The following XKR4 variants were observed in gnomAD, a reference collection of about 807,000 sequenced individuals.
XKR4 encodes XK related 4.
In XKR4, 12 loss-of-function variants were observed where a neutral mutation model predicts 53.9. The observed-to-expected ratio is 0.22, with a 90% CI of 0.14 to 0.36. The LOEUF is 0.36. Among genes scored for constraint, XKR4 ranks in the 10% least tolerant of loss-of-function variants. The pLI, the probability that XKR4 is intolerant of heterozygous loss-of-function variation, is 1.00. For missense variants in XKR4, 799 were observed against 859.5 expected (o/e 0.93, Z 0.88); for synonymous variants, 354 against 362.4 (o/e 0.98, Z 0.26).
rs140822944 is a variant in XKR4, at chr8:55,525,133, G to A, written c.*906G>A. 1,010 of 152,744 alleles carry A rather than the reference G, an allele frequency of 6.6e-3. 9 individuals carry two copies. The highest frequency in any genetic ancestry group is 4.3e-3 in the Non-Finnish European group (295 of 68,052). The allele number at this position is 152,744 out of a possible 1,614,324, so 9.5% of individuals were successfully genotyped here. On this transcript the variant is annotated 3_prime_UTR_variant, in exon 3 of 3. Coordinates refer to ENST00000327381, the MANE Select transcript of XKR4 (RefSeq NM_052898.2). Reference sequence around the variant, plus strand: ...GCCCATTGGGACATAACGGCAGTGCGGCGCGAGCCAGAGGAATGGGCTGGA... The same window carrying A: ...GCCCATTGGGACATAACGGCAGTGCAGCGCGAGCCAGAGGAATGGGCTGGA...
At chr8:55,452,636 C>A (rs150598763) in intron 2 of XKR4, 1 of 1,402,156 alleles carries the variant, frequency 7.1e-7, no homozygotes, top group East Asian at 2.3e-5. Context: ...CCATGACATG[C>A]AGCCCCTTGA....
At position 55,536,537 on chromosome 8, in the gene XKR4, C is replaced by T. The variant is rs1373190642; in HGVS notation, c.*12310C>T. ...CAAACATACGGATATTTGGAAAAGT[C>T]GAGATGTTTGAATCATACAGTTTTC... On this transcript the variant is annotated 3_prime_UTR_variant, in exon 3 of 3. Transcript: ENST00000327381. 2.0e-5 allele frequency: 3 copies of T among 152,094 alleles called. No homozygotes were observed. Among genetic ancestry groups the T allele is most frequent in the Non-Finnish European group, 4.4e-5 (3 of 68,042 alleles). The allele number at this position is 152,094 out of a possible 1,614,324, so 9.4% of individuals were successfully genotyped here.
intron 2 of XKR4, among the ~76,000 whole-genome samples, chr8:55,378,304 G>A (rs925999060): frequency 7.2e-5 from 11 of 152,200 alleles, no homozygotes; most frequent in Admixed American, 7.2e-4. Context: ...TGTCATCTCA[G>A]AGCCAAAGAG....
At chr8:55,455,449 G>A (rs965103656) in intron 2 of XKR4, among the ~76,000 whole-genome samples, 1 of 152,166 alleles carries the variant, frequency 6.6e-6, no homozygotes, top group Non-Finnish European at 1.5e-5. Context: ...CCAACCTGAA[G>A]TTCAACACGG....
intron 1 of XKR4, among the ~76,000 whole-genome samples, chr8:55,333,434 G>A (rs767104124): frequency 2.6e-5 from 4 of 152,034 alleles, no homozygotes; most frequent in Non-Finnish European, 5.9e-5. Context: ...ACTTTTCTGG[G>A]CATGCCTCTA....
chr8:55,176,800 A>C (rs1419389322), intron 1 of XKR4, among the ~76,000 whole-genome samples: 1 of 152,144 alleles, frequency 6.6e-6, no homozygotes, highest in African/African-American at 2.4e-5. Context: ...TGATTGCATG[A>C]GAATCATGTG....
rs577663833 is a variant in XKR4, at chr8:55,476,918, C to T, written c.1007-46363C>T. ...GGAAGCTCGAACTGGGTGGAGCCCA[C>T]CACAGCTCAAGGAGGCCTGCCTGCC... is the stretch of plus-strand genomic sequence containing the variant. On this transcript the variant is annotated intron_variant, in intron 2 of 2. Coordinates refer to ENST00000327381, the MANE Select transcript of XKR4 (RefSeq NM_052898.2). Among the ~76,000 whole-genome samples the T allele has an allele frequency of 4.6e-5, 7 of 152,268 alleles. No homozygotes were observed. In the South Asian group the frequency reaches 1.5e-3, roughly 32 times the overall value.
At chr8:55,187,834 G>A (rs562824755) in intron 1 of XKR4, among the ~76,000 whole-genome samples, 25 of 152,146 alleles carry the variant, frequency 1.6e-4, no homozygotes, top group Non-Finnish European at 3.1e-4. Context: ...TTGCAAGCAG[G>A]TCTCATGAAA....
chr8:55,373,917 G>A lies in XKR4; in HGVS notation c.1006+16040G>A, dbSNP rs551876171. Among the ~76,000 whole-genome samples, 9 of 152,286 alleles carry A rather than the reference G, an allele frequency of 5.9e-5. No individual in the cohort carries two copies. The South Asian group carries it at 1.9e-3, about 32-fold the overall frequency. On this transcript the variant is annotated intron_variant, in intron 2 of 2. Coordinates refer to ENST00000327381, the MANE Select transcript of XKR4 (RefSeq NM_052898.2). ...GAGTGAGTATTGAACCTTTCAGAAT[G>A]AGTGCAGTGATTTCAAGTGTACAAA... is the stretch of plus-strand genomic sequence containing the variant.
chr8:55,269,435 T>A (rs894587329), intron 1 of XKR4, among the ~76,000 whole-genome samples: 3 of 152,158 alleles, frequency 2.0e-5, no homozygotes, highest in Non-Finnish European at 2.9e-5. Context: ...TAATCTGAAA[T>A]TGTTAATATG....
At chr8:55,446,658 A>G (rs190275088) in intron 2 of XKR4, among the ~76,000 whole-genome samples, 9 of 152,202 alleles carry the variant, frequency 5.9e-5, no homozygotes, top group Middle Eastern at 3.4e-3. Flanking sequence ...TAACTGACCA[A>G]TTTCAAGAGG....
intron 2 of XKR4, among the ~76,000 whole-genome samples, chr8:55,411,443 C>T (rs926708614): frequency 6.6e-6 from 1 of 152,218 alleles, no homozygotes; most frequent in East Asian, 1.9e-4. Flanking sequence ...AGTCAACAAG[C>T]ACTCAGTGAG....
intron 1 of XKR4, among the ~76,000 whole-genome samples, chr8:55,316,352 C>A (rs564398822): frequency 6.6e-6 from 1 of 152,178 alleles, no homozygotes; most frequent in Admixed American, 6.5e-5. Context: ...CCATCCCACT[C>A]TCCTCATTCA....
In XKR4 at chr8:55,524,902, A is replaced by C. The variant is rs1200905606; in HGVS notation, c.*675A>C. 2 of 152,676 alleles carry C rather than the reference A, an allele frequency of 1.3e-5. No homozygotes were observed. The highest frequency in any genetic ancestry group is 6.5e-5 in the Admixed American group (1 of 15,282). 9.5% of individuals were successfully genotyped at this position (152,676 alleles called of 1,614,324 possible). ...CATTTCAGGATTTGTTTTATATTTT[A>C]AATTTTCAGTTGCGAACATCCTTTT... On this transcript the variant is annotated 3_prime_UTR_variant, in exon 3 of 3. Transcript: ENST00000327381.
chr8:55,185,417 T>A (rs1447594911), intron 1 of XKR4, among the ~76,000 whole-genome samples: 1 of 152,270 alleles, frequency 6.6e-6, no homozygotes, highest in Non-Finnish European at 1.5e-5. Flanking sequence ...TTCAATAAAC[T>A]ATTTTTCTTA....
chr8:55,459,338 A>T (rs1005004734), intron 2 of XKR4, among the ~76,000 whole-genome samples: 4 of 152,216 alleles, frequency 2.6e-5, no homozygotes, highest in Non-Finnish European at 5.9e-5. Context: ...AGAATAAAAC[A>T]TAGAAGAAAA....
chr8:55,200,749 C>T (rs1420336699), intron 1 of XKR4, among the ~76,000 whole-genome samples: 2 of 152,204 alleles, frequency 1.3e-5, no homozygotes, highest in Non-Finnish European at 2.9e-5. Context: ...TCTGTGGCTG[C>T]TTGACTATAC....
intron 2 of XKR4, among the ~76,000 whole-genome samples, chr8:55,442,244 A>G (rs1354301584): frequency 6.6e-6 from 1 of 152,166 alleles, no homozygotes; most frequent in Non-Finnish European, 1.5e-5. Context: ...GTTCTGGAAA[A>G]ATACGTATTA....
intron 2 of XKR4, among the ~76,000 whole-genome samples, chr8:55,385,163 T>C (rs1804290682): frequency 6.6e-6 from 1 of 152,164 alleles, no homozygotes; most frequent in African/African-American, 2.4e-5. Context: ...ATTGACAACA[T>C]CATATGCTGG....
Sources: allele counts gnomAD v4.1 joint callset (sites outside exome capture counted in the v4.1 genomes callset), GRCh38; gene constraint gnomAD v4.1.1; transcripts MANE v1.5; gene names NCBI Gene and HGNC (gene_info 2026-07-23, HGNC 2026-07-21).